TMPRSS6: variants seen among roughly 807,000 people sequenced by gnomAD.
TMPRSS6 encodes transmembrane protease serine 6.
In TMPRSS6, 67 loss-of-function variants were observed where a neutral mutation model predicts 101.5. The ratio of observed to expected loss-of-function variants is 0.66; its 90% confidence interval spans 0.54 to 0.81. The LOEUF (loss-of-function observed/expected upper bound fraction) is 0.81. TMPRSS6 is among the 30% of genes least tolerant of loss of function. The pLI, the probability that TMPRSS6 is intolerant of heterozygous loss-of-function variation, is 0.00. For synonymous variants in TMPRSS6, 453 were observed against 464.9 expected (o/e 0.97, Z 0.33); for missense variants, 1,034 against 1,088.7 (o/e 0.95, Z 0.71).
In TMPRSS6 at chr22:37,071,025, T is replaced by C. The variant is rs1333428259; in HGVS notation, c.1563A>G (p.Pro521=). The C allele has an allele frequency of 6.2e-7, 1 of 1,612,368 alleles. No individual in the cohort carries two copies. Among genetic ancestry groups the C allele is most frequent in the Admixed American group, 1.7e-5 (1 of 59,968 alleles). Reference sequence around the variant, plus strand: ...CACACTGGAAGGTGAATGTCCCACATGGCACCCCTGGGACAGAGGGGATGG... The same window carrying C: ...CACACTGGAAGGTGAATGTCCCACACGGCACCCCTGGGACAGAGGGGATGG... ...SDEEQCQEGV[P]CGTFTFQCED... Residue 521 remains proline, a synonymous_variant, in exon 14 of 18, where the codon CCA becomes CCG. Coordinates refer to ENST00000676104, the MANE Select transcript of TMPRSS6 (RefSeq NM_001374504.1).
chr22:37,082,148 C>T (rs1006484814), intron 10 of TMPRSS6, among the ~76,000 whole-genome samples: 2 of 152,100 alleles, frequency 1.3e-5, no homozygotes, highest in Non-Finnish European at 2.9e-5. Context: ...TGGGAGAGAC[C>T]CCATCTGTGG....
chr22:37,069,066 T>G lies in TMPRSS6; in HGVS notation c.2113+7A>C, dbSNP rs1461543191. 2 of 1,539,138 alleles carry G rather than the reference T, an allele frequency of 1.3e-6. No individual in the cohort carries two copies. Among genetic ancestry groups the G allele is most frequent in the Non-Finnish European group, 1.7e-6 (2 of 1,148,050 alleles). ...TCCGCCTCCCGCCGCAAGTCCCCGC[T>G]GCTCACCGCCCTCGCGCAAGGCGCC... is the stretch of plus-strand genomic sequence containing the variant. On this transcript the variant is annotated splice_region_variant and intron_variant, in intron 16 of 17. Coordinates refer to ENST00000676104, the MANE Select transcript of TMPRSS6 (RefSeq NM_001374504.1). This position sits in a 1 kb window ranked among gnomAD's most constrained non-coding sequence, Gnocchi z 4.8.
At chr22:37,072,578 T>TG (rs1927147700) in intron 13 of TMPRSS6, among the ~76,000 whole-genome samples, 2 of 90,332 alleles carry the variant, frequency 2.2e-5, no homozygotes, top group South Asian at 3.5e-4. Context: ...GATGGATGGA[T>TG]GATGGATGGA....
chr22:37,098,340 C>T (rs1930001901), intron 3 of TMPRSS6, 76 bp downstream of exon 3: 3 of 1,609,098 alleles, frequency 1.9e-6, no homozygotes, highest in Non-Finnish European at 2.6e-6. Context: ...GACCAACTGG[C>T]TCCATGTGAT....
intron 2 of TMPRSS6, among the ~76,000 whole-genome samples, chr22:37,098,875 G>A (rs2017764): frequency 0.36 from 54,059 of 151,984 alleles, 9,850 homozygotes; most frequent in Non-Finnish European, 0.38. Flanking sequence ...ATCCACATAG[G>A]CCCAGGAGGC....
intron 6 of TMPRSS6, among the ~76,000 whole-genome samples, chr22:37,092,237 C>T (rs1269109197): frequency 2.6e-5 from 4 of 152,040 alleles, no homozygotes; most frequent in African/African-American, 7.3e-5. Context: ...CCAGCCTTTG[C>T]CCCTGCCATT....
intron 10 of TMPRSS6, chr22:37,083,164 G>A (rs2146099125): frequency 2.2e-6 from 1 of 447,226 alleles, no homozygotes. Context: ...AGGTTGGAAG[G>A]GAGGGCAGAG....
intron 7 of TMPRSS6, among the ~76,000 whole-genome samples, chr22:37,088,714 C>A (rs1165510334): frequency 6.6e-6 from 1 of 152,142 alleles, no homozygotes; most frequent in Non-Finnish European, 1.5e-5. Context: ...TCCCCACTTA[C>A]CAAATATCAA....
chr22:37,104,858 G>A (rs1040944307), intron 1 of TMPRSS6, among the ~76,000 whole-genome samples: 3 of 152,080 alleles, frequency 2.0e-5, no homozygotes, highest in Non-Finnish European at 2.9e-5. Context: ...CTACTCGGGA[G>A]GCTGAGGCAG....
At position 37,066,823 on chromosome 22, in the gene TMPRSS6, C is replaced by T; in HGVS notation, c.2250+3G>A. The T allele has an allele frequency of 6.2e-7, 1 of 1,614,210 alleles. No individual in the cohort carries two copies. Among genetic ancestry groups the T allele is most frequent in the Non-Finnish European group, 8.5e-7 (1 of 1,180,034 alleles). ...CTCTCCCTCCCATGCCCGGGGGACT[C>T]ACCTGACAGGCATCCTTCTTGCCCT... On this transcript the variant is annotated splice_donor_region_variant and intron_variant, in intron 17 of 17. Transcript: ENST00000676104.
rs1926600623 is a variant in TMPRSS6, at chr22:37,069,037, TC to T, written c.2113+35del. On this transcript the variant is annotated intron_variant, in intron 16 of 17. Coordinates refer to ENST00000676104, the MANE Select transcript of TMPRSS6 (RefSeq NM_001374504.1). The surrounding 1 kb of genome is among the most constrained non-coding windows in gnomAD (Gnocchi z 4.8). Reference sequence around the variant, plus strand: ...TGTTACGGCGCAGATCCGCACGGTCTCCCTCCGCCTCCCGCCGCAAGTCCCC... The same window carrying T: ...TGTTACGGCGCAGATCCGCACGGTCTCCTCCGCCTCCCGCCGCAAGTCCCC... The T allele has an allele frequency of 6.5e-7, 1 of 1,533,358 alleles. No individual in the cohort carries two copies. Among genetic ancestry groups the T allele is most frequent in the Admixed American group, 2.0e-5 (1 of 50,944 alleles). 95.0% of individuals were successfully genotyped at this position (1,533,358 alleles called of 1,614,324 possible).
chr22:37,068,266 C>A (rs1241228617), intron 16 of TMPRSS6, among the ~76,000 whole-genome samples: 1 of 152,238 alleles, frequency 6.6e-6, no homozygotes, highest in Non-Finnish European at 1.5e-5. Context: ...AATGAACCAG[C>A]CTTTGCTTTG....
chr22:37,078,503 G>C (rs1927870315), intron 10 of TMPRSS6, among the ~76,000 whole-genome samples: 1 of 152,160 alleles, frequency 6.6e-6, no homozygotes, highest in South Asian at 2.1e-4. Context: ...TGGAATCCCT[G>C]GAACAAGCGT....
intron 16 of TMPRSS6, 129 bp from the exon 17 acceptor site, chr22:37,067,091 C>G: frequency 7.2e-6 from 10 of 1,388,610 alleles, no homozygotes; most frequent in Non-Finnish European, 9.9e-6. Flanking sequence ...CTTACCCCTG[C>G]TAGGGTCGCA....
Position 37,103,739 on chromosome 22 carries a change from C to G in TMPRSS6, c.-1-321G>C. 1.4e-6 allele frequency: 1 copy of G among 712,814 alleles called. No homozygotes were observed. Among genetic ancestry groups the G allele is most frequent in the Non-Finnish European group, 2.4e-6 (1 of 408,396 alleles). 44.2% of individuals were successfully genotyped at this position (712,814 alleles called of 1,614,324 possible). On this transcript the variant is annotated intron_variant, in intron 1 of 17. Coordinates refer to ENST00000676104, the MANE Select transcript of TMPRSS6 (RefSeq NM_001374504.1). The surrounding 1 kb of genome is among the most constrained non-coding windows in gnomAD (Gnocchi z 4.4). ...ACCTAAACACCCACCTCCCTAGAGG[C>G]TGCACCCACAGACAGAACTGAAGTA...
At chr22:37,086,642 G>C (rs531646642) in intron 7 of TMPRSS6, among the ~76,000 whole-genome samples, 1 of 152,124 alleles carries the variant, frequency 6.6e-6, no homozygotes, top group Non-Finnish European at 1.5e-5. Context: ...CTAGCTCCTC[G>C]GGTGAGAGAG....
intron 10 of TMPRSS6, 187 bp downstream of exon 10, chr22:37,084,108 G>A: frequency 1.6e-6 from 1 of 635,060 alleles, no homozygotes; most frequent in East Asian, 2.7e-5. Context: ...CGGGGCCAGG[G>A]CGGAGGCTGG....
Position 37,103,897 on chromosome 22 carries a change from C to A in TMPRSS6, c.-1-479G>T, listed in dbSNP as rs1427371652. On this transcript the variant is annotated intron_variant, in intron 1 of 17. Transcript: ENST00000676104. The surrounding 1 kb of genome is among the most constrained non-coding windows in gnomAD (Gnocchi z 4.4). ...CGCCCACACAGTCCATGCACTTAGC[C>A]CCCGCCCCAGAATCCCCTGAGCTGG... Among the ~76,000 whole-genome samples, 1 of 152,182 alleles carries A rather than the reference C, an allele frequency of 6.6e-6. No individual in the cohort carries two copies. Among genetic ancestry groups the A allele is most frequent in the Non-Finnish European group, 1.5e-5 (1 of 68,040 alleles).
At chr22:37,071,100 G>C in intron 13 of TMPRSS6, 68 bp from the exon 14 acceptor site, 1 of 1,429,814 alleles carries the variant, frequency 7.0e-7, no homozygotes, top group Non-Finnish European at 9.8e-7. Context: ...ACCTTCCAAA[G>C]TGGGGTGCAG....
Sources: allele counts gnomAD v4.1 joint callset (sites outside exome capture counted in the v4.1 genomes callset), GRCh38; gene constraint gnomAD v4.1.1; non-coding constraint Gnocchi (gnomAD v3.1); transcripts MANE v1.5; gene names NCBI Gene and HGNC (gene_info 2026-07-23, HGNC 2026-07-21).